Variants in CPSF4 observed in about 807,000 individuals in gnomAD.
The protein encoded by CPSF4 is cleavage and polyadenylation specificity factor subunit 4.
In CPSF4, 11 loss-of-function variants were observed where a neutral mutation model predicts 37.7. The ratio of observed to expected loss-of-function variants is 0.29; its 90% CI spans 0.18 to 0.48. The LOEUF (loss-of-function observed/expected upper bound fraction) is 0.48, where lower values mean the gene tolerates loss of function less well. Among genes scored for constraint, CPSF4 ranks in the 20% least tolerant of loss-of-function variants. The pLI, the probability that CPSF4 is intolerant of heterozygous loss-of-function variation, is 0.99. For synonymous variants in CPSF4, 132 were observed against 135.9 expected, an observed-to-expected ratio of 0.97 and a Z score of 0.20; for missense variants, 144 against 359.5, an observed-to-expected ratio of 0.40 and a Z score of 4.85.
intron 5 of CPSF4, 176 bp downstream of exon 5, chr7:99,450,971 G>C (rs551705884): frequency 1.7e-6 from 1 of 593,552 alleles, no homozygotes; most frequent in African/African-American, 1.8e-5. Flanking sequence ...TGCTTCCTGA[G>C]CCCGCAGGTG....
At chr7:99,456,387 G>A (rs1396912700) in intron 7 of CPSF4, 45 bp from the exon 8 acceptor site, 3 of 1,576,970 alleles carry the variant, frequency 1.9e-6, no homozygotes. Flanking sequence ...TTTGAACAGT[G>A]TTGTTGTCTG....
intron 3 of CPSF4, 124 bp from the exon 4 acceptor site, chr7:99,450,150 ACT>A: frequency 2.8e-6 from 2 of 709,612 alleles, no homozygotes; most frequent in East Asian, 2.7e-5. Flanking sequence ...GCTCAGAAAC[ACT>A]CTTCCCTGGC....
intron 5 of CPSF4, chr7:99,451,019 T>C (rs1797892128): frequency 5.9e-6 from 3 of 509,866 alleles, no homozygotes; most frequent in East Asian, 3.1e-5. Flanking sequence ...TCTTGGGTCA[T>C]GGGCCATCTG....
At position 99,446,902 on chromosome 7, in the gene CPSF4, G is replaced by A. The variant is rs188227699; in HGVS notation, c.155-1219G>A. On this transcript the variant is annotated intron_variant, in intron 2 of 7. Transcript: ENST00000292476. ...CCTCCTGGGTTCAAGCAATTCTCCT[G>A]CCTCAGCCTCCTGAGTAGCTGGGAT... Among the ~76,000 whole-genome samples, 17 of 145,430 alleles carry A rather than the reference G, an allele frequency of 1.2e-4. No individual in the cohort carries two copies. The East Asian group carries it at 3.5e-3, about 30-fold the overall frequency.
chr7:99,445,479 T>G (rs916522913), intron 2 of CPSF4, among the ~76,000 whole-genome samples: 9 of 152,172 alleles, frequency 5.9e-5, no homozygotes, highest in African/African-American at 1.9e-4. Flanking sequence ...CATTCTTACT[T>G]TAGTTCAGCA....
At chr7:99,455,286 G>A (rs1467603668) in intron 7 of CPSF4, among the ~76,000 whole-genome samples, 4 of 152,268 alleles carry the variant, frequency 2.6e-5, no homozygotes, top group East Asian at 3.9e-4. Context: ...TGTGGGGTCC[G>A]ACAGACATGC....
intron 1 of CPSF4, chr7:99,443,218 G>A: frequency 1.3e-6 from 1 of 778,084 alleles, no homozygotes; most frequent in Non-Finnish European, 2.4e-6. Context: ...CTCTCAGCCT[G>A]TGGTATTTCA....
intron 3 of CPSF4, among the ~76,000 whole-genome samples, chr7:99,449,485 G>A (rs1382106251): frequency 6.6e-6 from 1 of 152,248 alleles, no homozygotes; most frequent in Non-Finnish European, 1.5e-5. Flanking sequence ...CGCTATACAA[G>A]TGGCCTGAGG....
At position 99,449,749 on chromosome 7, in the gene CPSF4, T is replaced by G. The variant is rs147298998; in HGVS notation, c.308-527T>G. The stretch of plus-strand genomic sequence containing the variant: ...AGGAAACCGTGACCAGAACCTTCTC[T>G]AGGCTGAGTGGTCAAGGATGAGGGG... On this transcript the variant is annotated intron_variant, in intron 3 of 7. Transcript: ENST00000292476. Among the ~76,000 whole-genome samples the G allele has an allele frequency of 7.9e-5, 12 of 152,270 alleles. No individual in the cohort carries two copies. The East Asian group carries it at 2.3e-3, about 29-fold the overall frequency.
chr7:99,456,991 CA>C lies in CPSF4; in HGVS notation c.*494del, dbSNP rs1395913239. 7.7e-6 allele frequency: 2 copies of C among 260,826 alleles called. No homozygotes were observed. Among genetic ancestry groups the C allele is most frequent in the Non-Finnish European group, 1.5e-5 (2 of 130,206 alleles). 16.2% of individuals were successfully genotyped at this position (260,826 alleles called of 1,614,324 possible). A position where few individuals can be genotyped will look rare whatever the true frequency, so the allele number is the denominator to read the frequency against. On this transcript the variant is annotated 3_prime_UTR_variant, in exon 8 of 8. Coordinates refer to ENST00000292476, the MANE Select transcript of CPSF4 (RefSeq NM_006693.4). The stretch of plus-strand genomic sequence containing the variant: ...ATTTGAATGAGGGAGCCCTTTGGGG[CA>C]AATTCAGGTGCCCCCATTGCCTCAG...
chr7:99,450,286 C>T lies in CPSF4; in HGVS notation c.318C>T (p.Ser106=). Residue 106 remains serine (S), a synonymous_variant, in exon 4 of 8, where the codon AGC becomes AGT. Transcript: ENST00000292476. The part of the protein sequence containing the change: ...CYFYSKFGEC[S]NKECPFLHID... ...TGAGTTTCCCTGCAGGGGAGTGCAG[C>T]AACAAGGAATGTCCCTTCCTGCACA... 1 of 1,613,596 alleles carries T rather than the reference C, an allele frequency of 6.2e-7. No homozygotes were observed. Among genetic ancestry groups the T allele is most frequent in the Admixed American group, 1.7e-5 (1 of 60,006 alleles).
At chr7:99,452,554 A>G (rs1798009910) in intron 6 of CPSF4, 114 bp downstream of exon 6, 1 of 919,262 alleles carries the variant, frequency 1.1e-6, no homozygotes, top group Non-Finnish European at 1.7e-6. Flanking sequence ...TTGGGAGAGG[A>G]GGGGAGTCTC....
At chr7:99,452,235 A>G (rs945365897) in intron 5 of CPSF4, 133 bp from the exon 6 acceptor site, 53 of 768,404 alleles carry the variant, frequency 6.9e-5, no homozygotes, top group Non-Finnish European at 9.2e-5. Context: ...AGCTTGTGTC[A>G]GTCACTTTGT....
At chr7:99,446,026 G>C (rs1797463348) in intron 2 of CPSF4, among the ~76,000 whole-genome samples, 1 of 152,238 alleles carries the variant, frequency 6.6e-6, no homozygotes, top group African/African-American at 2.4e-5. Flanking sequence ...AAAGAGAGCA[G>C]AGAATCAGAG....
intron 1 of CPSF4, among the ~76,000 whole-genome samples, chr7:99,442,142 T>C (rs1797042597): frequency 6.6e-6 from 1 of 152,208 alleles, no homozygotes; most frequent in African/African-American, 2.4e-5. Context: ...TTAAGTGGGC[T>C]TCAGAGATGC....
chr7:99,450,855 C>A, intron 5 of CPSF4, 60 bp downstream of exon 5: 1 of 1,286,786 alleles, frequency 7.8e-7, no homozygotes, highest in Non-Finnish European at 1.1e-6. Flanking sequence ...TGCTGCCCTC[C>A]GTATCTTCCC....
intron 1 of CPSF4, chr7:99,443,242 C>T (rs974945546): frequency 6.5e-6 from 5 of 774,782 alleles, no homozygotes; most frequent in Middle Eastern, 2.3e-4. Flanking sequence ...GTAATTTTCA[C>T]CACTTTCTTC....
In CPSF4 at chr7:99,450,683, C is replaced by G. The variant is rs766003852; in HGVS notation, c.404-19C>G. On this transcript the variant is annotated intron_variant, in intron 4 of 7. Coordinates refer to ENST00000292476, the MANE Select transcript of CPSF4 (RefSeq NM_006693.4). ...CTGGTAGAGGGGACATCTAAGTGAC[C>G]GGACACTTGGCTCTGCAGGTCCCCT... 6.3e-7 allele frequency: 1 copy of G among 1,592,858 alleles called. No individual in the cohort carries two copies. Among genetic ancestry groups the G allele is most frequent in the East Asian group, 2.2e-5 (1 of 44,730 alleles).
At position 99,448,007 on chromosome 7, in the gene CPSF4, G is replaced by A; in HGVS notation, c.155-114G>A. 1.0e-6 allele frequency: 1 copy of A among 981,930 alleles called. No individual in the cohort carries two copies. Among genetic ancestry groups the A allele is most frequent in the South Asian group, 1.5e-5 (1 of 65,902 alleles). 60.8% of individuals were successfully genotyped at this position (981,930 alleles called of 1,614,324 possible). The stretch of plus-strand genomic sequence containing the variant: ...CCTCTGCCCCTTTCCAGGACGTGAT[G>A]CCTTCAGGTGGCTCCAGGAGTTAGG... On this transcript the variant is annotated intron_variant, in intron 2 of 7. Transcript: ENST00000292476. This position sits in a 1 kb window ranked among gnomAD's most constrained non-coding sequence, Gnocchi z 4.4.
Sources: allele counts gnomAD v4.1 joint callset (sites outside exome capture counted in the v4.1 genomes callset), GRCh38; gene constraint gnomAD v4.1.1; non-coding constraint Gnocchi (gnomAD v3.1); transcripts MANE v1.5; gene names NCBI Gene and HGNC (gene_info 2026-07-23, HGNC 2026-07-21).